Variants in EED observed in about 807,000 individuals in gnomAD.
The protein encoded by EED is polycomb protein EED.
EED carries 9 observed loss-of-function variants against 61.0 expected under a neutral mutation model. The observed-to-expected ratio is 0.15, with a 90% confidence interval of 0.09 to 0.26. EED has a LOEUF of 0.26. Among genes scored for constraint, EED ranks in the 10% least tolerant of loss-of-function variants. The pLI is 1.00. For missense variants in EED, 315 were observed against 542.3 expected (o/e 0.58, Z 4.16); for synonymous variants, 187 against 174.4 (o/e 1.07, Z -0.57).
Position 86,244,911 on chromosome 11 carries a change from T to A in EED, c.-319T>A. On this transcript the variant is annotated 5_prime_UTR_variant, in exon 1 of 12. Transcript: ENST00000263360. Reference sequence around the variant, plus strand: ...GTGGGAAGGGAGACATACTTAATACTGCCCTCTTAATCCAACGGACCTTAC... The same window carrying A: ...GTGGGAAGGGAGACATACTTAATACAGCCCTCTTAATCCAACGGACCTTAC... 3.1e-6 allele frequency: 1 copy of A among 319,516 alleles called. No homozygotes were observed. The highest frequency in any genetic ancestry group is 5.8e-6 in the Non-Finnish European group (1 of 172,600). 19.8% of individuals were successfully genotyped at this position (319,516 alleles called of 1,614,324 possible). A position where few individuals can be genotyped will look rare whatever the true frequency, so the allele number is the denominator to read the frequency against.
chr11:86,250,288 G>C lies in EED; in HGVS notation c.115-8G>C, dbSNP rs781578795. On this transcript the variant is annotated splice_polypyrimidine_tract_variant and splice_region_variant and intron_variant, in intron 1 of 11. Coordinates refer to ENST00000263360, the MANE Select transcript of EED (RefSeq NM_003797.5). ...TTCATGTAATTTTTCCTCATTTACT[G>C]CTTACAGGATGACGCTGTCAGTATA... 7.9e-6 allele frequency: 12 copies of C among 1,512,338 alleles called. No homozygotes were observed. Among genetic ancestry groups the C allele is most frequent in the African/African-American group, 1.4e-5 (1 of 69,528 alleles). 93.7% of individuals were successfully genotyped at this position (1,512,338 alleles called of 1,614,324 possible). A position where few individuals can be genotyped will look rare whatever the true frequency, so the allele number is the denominator to read the frequency against.
chr11:86,287,180 C>T, the EED span, among the ~76,000 whole-genome samples: 1 of 151,594 alleles, frequency 6.6e-6, no homozygotes, highest in South Asian at 2.1e-4. Context: ...CAGTGTGAAA[C>T]ACAGTAACCT....
intron 2 of EED, among the ~76,000 whole-genome samples, chr11:86,251,838 T>C (rs1945538992): frequency 6.6e-6 from 1 of 152,224 alleles, no homozygotes; most frequent in African/African-American, 2.4e-5. Context: ...TCCAGTTTAT[T>C]GTGATTCAGA....
chr11:86,264,207 A>G lies in EED; in HGVS notation c.670A>G (p.Thr224Ala). Residue 224 changes from threonine to alanine, a missense_variant, in exon 7 of 12, where the codon ACT becomes GCT. Transcript: ENST00000263360. ...ACGATTATGGAATATCCAGACGGACACTCTGGTGGCAATATTTGGAGGCGT... is the reference window on the plus strand; with the variant it reads ...ACGATTATGGAATATCCAGACGGACGCTCTGGTGGCAATATTTGGAGGCGT... ...ALRLWNIQTD[T>A]LVAIFGGVEG... 1 of 1,614,010 alleles carries G rather than the reference A, an allele frequency of 6.2e-7. No homozygotes were observed. Among genetic ancestry groups the G allele is most frequent in the Non-Finnish European group, 8.5e-7 (1 of 1,179,944 alleles).
Position 86,269,130 on chromosome 11 carries a change from A to G in EED, c.966+569A>G, listed in dbSNP as rs138822990. Among the ~76,000 whole-genome samples the G allele has an allele frequency of 4.7e-4, 71 of 152,338 alleles. 1 individual carries two copies. The highest frequency in any genetic ancestry group is 3.4e-3 in the Middle Eastern group (1 of 294). On this transcript the variant is annotated intron_variant, in intron 9 of 11. Coordinates refer to ENST00000263360, the MANE Select transcript of EED (RefSeq NM_003797.5). Reference sequence around the variant, plus strand: ...TCTTAAATGTGCTCAGAATTAGCCTACAGTTGGGCAAAATTATCTAACACA... The same window carrying G: ...TCTTAAATGTGCTCAGAATTAGCCTGCAGTTGGGCAAAATTATCTAACACA...
At chr11:86,286,711 G>T in the EED span, among the ~76,000 whole-genome samples, 1 of 151,936 alleles carries the variant, frequency 6.6e-6, no homozygotes, top group African/African-American at 2.4e-5. Context: ...GGTGGCTCAG[G>T]CCTGTAATCC....
rs374892814 is a variant in EED, at chr11:86,257,340, CTT to C, written c.553-158_553-157del. 3.2e-3 allele frequency among the ~76,000 whole-genome samples: 329 copies of C among 101,778 alleles called. 1 individual carries two copies. The highest frequency in any genetic ancestry group is 0.01 in the African/African-American group (295 of 29,046). The allele number at this position is 101,778 out of a possible 152,430, so 66.8% of individuals were successfully genotyped here. A position where few individuals can be genotyped will look rare whatever the true frequency, so the allele number is the denominator to read the frequency against. On this transcript the variant is annotated intron_variant, in intron 5 of 11. Coordinates refer to ENST00000263360, the MANE Select transcript of EED (RefSeq NM_003797.5). Reference sequence around the variant, plus strand: ...ATGAGCCACCCACTGTGCCTGGGGTCTTTTTTTTTTTTTTTTTTCCTTTTCAC... The same window carrying C: ...ATGAGCCACCCACTGTGCCTGGGGTCTTTTTTTTTTTTTTTTCCTTTTCAC...
At chr11:86,250,868 C>G (rs1565688817) in intron 2 of EED, among the ~76,000 whole-genome samples, 1 of 151,948 alleles carries the variant, frequency 6.6e-6, no homozygotes, top group Non-Finnish European at 1.5e-5. Context: ...TGTACAGTTT[C>G]TGTCCTTTGT....
rs569197737 is a variant in EED at position 86,272,347 on chromosome 11, C to T, written c.966+3786C>T. 1.1e-3 allele frequency among the ~76,000 whole-genome samples: 165 copies of T among 151,936 alleles called. 1 individual carries two copies. The highest frequency in any genetic ancestry group is 3.4e-3 in the Middle Eastern group (1 of 294). ...TGCTGGGGTTACAGGCGTGAGCCAC[C>T]GCGCCCGGCCACTGTTGGTTTATTT... On this transcript the variant is annotated intron_variant, in intron 9 of 11. Coordinates refer to ENST00000263360, the MANE Select transcript of EED (RefSeq NM_003797.5).
intron 4 of EED, among the ~76,000 whole-genome samples, chr11:86,256,004 A>G (rs978162990): frequency 2.0e-5 from 3 of 152,168 alleles, no homozygotes; most frequent in African/African-American, 7.2e-5. Context: ...TTTTTTAGAT[A>G]TTTATAGAGG....
At chr11:86,277,223 T>A in intron 10 of EED, 85 bp downstream of exon 10, 1 of 1,281,022 alleles carries the variant, frequency 7.8e-7, no homozygotes, top group Non-Finnish European at 1.1e-6. Flanking sequence ...GTCCATGTTC[T>A]TTTTCCTTTA....
chr11:86,250,603 C>A (rs989515256), intron 2 of EED, among the ~76,000 whole-genome samples, 155 bp downstream of exon 2: 1 of 151,336 alleles, frequency 6.6e-6, no homozygotes, highest in Non-Finnish European at 1.5e-5. Context: ...GTTCAGACTG[C>A]GTATCTATTT....
chr11:86,263,445 A>G (rs1027077217), intron 6 of EED, among the ~76,000 whole-genome samples: 3 of 152,196 alleles, frequency 2.0e-5, no homozygotes, highest in African/African-American at 7.2e-5. Flanking sequence ...GAGTACCAAC[A>G]TTCTGTCTGA....
intron 2 of EED, among the ~76,000 whole-genome samples, chr11:86,251,814 A>G (rs569910381): frequency 9.9e-5 from 15 of 152,206 alleles, no homozygotes; most frequent in Non-Finnish European, 1.6e-4. Flanking sequence ...GTCCTTTTGT[A>G]TCCACCAAAA....
rs201298345 is a variant in EED, at chr11:86,254,048, C to CAA, written c.361-1148_361-1147dup. 9.2e-3 allele frequency among the ~76,000 whole-genome samples: 515 copies of CAA among 56,282 alleles called. 57 individuals carry two copies. The highest frequency in any genetic ancestry group is 0.019 in the African/African-American group (375 of 19,750). The allele number at this position is 56,282 out of a possible 152,430, so 36.9% of individuals were successfully genotyped here. A position where few individuals can be genotyped will look rare whatever the true frequency, so the allele number is the denominator to read the frequency against. On this transcript the variant is annotated intron_variant, in intron 3 of 11. Coordinates refer to ENST00000263360, the MANE Select transcript of EED (RefSeq NM_003797.5). ...GGACGACAAGAGTGAAACTCTGTCT[C>CAA]AAAAAAAAAAAAAAAAAAAAAAAAA...
chr11:86,260,046 A>G (rs1945787068), intron 6 of EED, among the ~76,000 whole-genome samples: 1 of 152,314 alleles, frequency 6.6e-6, no homozygotes, highest in Admixed American at 6.5e-5. Context: ...CAACAGAAAT[A>G]ACATGTCCAT....
At chr11:86,263,255 G>A (rs1276195029) in intron 6 of EED, among the ~76,000 whole-genome samples, 1 of 152,132 alleles carries the variant, frequency 6.6e-6, no homozygotes, top group African/African-American at 2.4e-5. Flanking sequence ...AGAAGATAAA[G>A]GCTCTGCCTG....
chr11:86,264,453 A>G (rs537879806), intron 7 of EED, 190 bp downstream of exon 7: 1 of 422,028 alleles, frequency 2.4e-6, no homozygotes. Context: ...TTATTTATTT[A>G]TTTTTTAAAT....
chr11:86,254,660 G>A (rs1344750554), intron 3 of EED, among the ~76,000 whole-genome samples: 1 of 142,344 alleles, frequency 7.0e-6, no homozygotes, highest in East Asian at 2.1e-4. Context: ...TTTCGCTTTT[G>A]TTGCCAGGCT....
Sources: gnomAD v4.1 joint callset for allele counts (sites outside exome capture counted in the v4.1 genomes callset) on GRCh38, gnomAD v4.1.1 for gene constraint, MANE v1.5 for transcripts, NCBI Gene and HGNC (gene_info 2026-07-23, HGNC 2026-07-21) for gene names.